Variants in SPOCK3 observed in about 807,000 individuals in gnomAD.
SPOCK3 encodes the protein testican-3.
SPOCK3 carries 30 observed loss-of-function variants against 56.6 expected under a neutral mutation model. The ratio of observed to expected loss-of-function variants is 0.53; its 90% CI spans 0.40 to 0.72. The LOEUF (loss-of-function observed/expected upper bound fraction) is 0.72, where lower values mean the gene tolerates loss of function less well. Among genes scored for constraint, SPOCK3 ranks in the 30% least tolerant of loss-of-function variants. The pLI is 0.00. For synonymous variants in SPOCK3, 196 were observed against 183.3 expected (o/e 1.07, Z -0.56); for missense variants, 527 against 530.0 (o/e 0.99, Z 0.06).
Position 167,170,513 on chromosome 4 carries a change from C to T in SPOCK3, c.189+63472G>A, listed in dbSNP as rs374865901. 6.1e-4 allele frequency among the ~76,000 whole-genome samples: 93 copies of T among 152,222 alleles called. 3 individuals carry two copies. In the South Asian group the frequency reaches 8.1e-3, roughly 13 times the overall value. On this transcript the variant is annotated intron_variant, in intron 2 of 10. Transcript: ENST00000357545. ...GAAAGGCACTAATCTAGATACTTTACTTGTATTAACTCATTAAATCCCCAT... is the reference window on the plus strand; with the variant it reads ...GAAAGGCACTAATCTAGATACTTTATTTGTATTAACTCATTAAATCCCCAT...
chr4:167,134,433 T>C (rs912318354), intron 2 of SPOCK3, among the ~76,000 whole-genome samples: 10 of 152,150 alleles, frequency 6.6e-5, no homozygotes, highest in African/African-American at 2.4e-4. Context: ...CAAGGAGTAC[T>C]GATATTAATA....
chr4:166,935,873 C>A (rs1185943267), intron 4 of SPOCK3, among the ~76,000 whole-genome samples: 2 of 151,950 alleles, frequency 1.3e-5, no homozygotes, highest in East Asian at 1.9e-4. Flanking sequence ...ATAGAGATAA[C>A]AACATTTGCC....
In SPOCK3 at chr4:166,892,015, C is replaced by T. The variant is rs145839203; in HGVS notation, c.475-2771G>A. Among the ~76,000 whole-genome samples the T allele has an allele frequency of 2.4e-3, 367 of 152,044 alleles. 2 individuals carry two copies. Among genetic ancestry groups the T allele is most frequent in the African/African-American group, 8.1e-3 (338 of 41,518 alleles). On this transcript the variant is annotated intron_variant, in intron 5 of 10. Coordinates refer to ENST00000357545, the MANE Select transcript of SPOCK3 (RefSeq NM_001040159.2). ...AAACAACATAAAAGCCTGGCTAATA[C>T]TTGAATGAACAACAAACATACAACA...
intron 6 of SPOCK3, among the ~76,000 whole-genome samples, chr4:166,843,884 A>T (rs1747776903): frequency 2.6e-5 from 4 of 152,060 alleles, no homozygotes; most frequent in Admixed American, 2.6e-4. Context: ...GGGGCTTGAA[A>T]CTCTGAGATC....
intron 4 of SPOCK3, among the ~76,000 whole-genome samples, chr4:166,990,400 A>T (rs1356976223): frequency 2.0e-4 from 4 of 20,472 alleles, no homozygotes; most frequent in East Asian, 0.014. Flanking sequence ...TAAAAAAATT[A>T]AAAAAAAATG....
At chr4:166,935,467 GTTT>G (rs1421472947) in intron 4 of SPOCK3, among the ~76,000 whole-genome samples, 1 of 152,098 alleles carries the variant, frequency 6.6e-6, no homozygotes, top group Non-Finnish European at 1.5e-5. Flanking sequence ...TAAAGTTCTA[GTTT>G]AACAAAGCCA....
At chr4:166,998,892 A>T (rs761121662) in intron 4 of SPOCK3, among the ~76,000 whole-genome samples, 2 of 152,142 alleles carry the variant, frequency 1.3e-5, no homozygotes, top group South Asian at 4.1e-4. Context: ...ACACATTCAC[A>T]TACTAATGTT....
chr4:167,056,252 T>A (rs1365333782), intron 3 of SPOCK3, among the ~76,000 whole-genome samples: 1 of 152,166 alleles, frequency 6.6e-6, no homozygotes, highest in South Asian at 2.1e-4. Flanking sequence ...TCCTGCCTGT[T>A]AGAAGGAAAA....
Position 167,205,160 on chromosome 4 carries a change from A to ATC in SPOCK3, c.189+28824_189+28825insGA, listed in dbSNP as rs759629190. Among the ~76,000 whole-genome samples the ATC allele has an allele frequency of 5.6e-3, 617 of 109,914 alleles. 2 individuals are homozygous for ATC. The highest frequency in any genetic ancestry group is 0.016 in the Middle Eastern group (4 of 252). The allele number at this position is 109,914 out of a possible 152,430, so 72.1% of individuals were successfully genotyped here. A position where few individuals can be genotyped will look rare whatever the true frequency, so the allele number is the denominator to read the frequency against. On this transcript the variant is annotated intron_variant, in intron 2 of 10. Coordinates refer to ENST00000357545, the MANE Select transcript of SPOCK3 (RefSeq NM_001040159.2). ...ATACATATATATATATTTTATATAT[A>ATC]TATAATATATATTATATATTATAGA...
At chr4:166,806,160 C>T (rs1368005429) in intron 6 of SPOCK3, among the ~76,000 whole-genome samples, 3 of 152,086 alleles carry the variant, frequency 2.0e-5, no homozygotes, top group African/African-American at 7.2e-5. Flanking sequence ...TGTATATAAA[C>T]AATATACAAA....
chr4:167,021,689 C>A (rs1338324431), intron 3 of SPOCK3, among the ~76,000 whole-genome samples: 1 of 151,924 alleles, frequency 6.6e-6, no homozygotes, highest in Non-Finnish European at 1.5e-5. Context: ...GTAGGTTGCA[C>A]AGGAGCCAGA....
At chr4:167,133,211 T>A (rs979453455) in intron 2 of SPOCK3, among the ~76,000 whole-genome samples, 5 of 151,986 alleles carry the variant, frequency 3.3e-5, no homozygotes, top group African/African-American at 1.2e-4. Context: ...ATCAGGAGGA[T>A]CATTTTAGGA....
chr4:167,042,167 A>G (rs1268573865), intron 3 of SPOCK3, among the ~76,000 whole-genome samples: 1 of 152,122 alleles, frequency 6.6e-6, no homozygotes, highest in Non-Finnish European at 1.5e-5. Flanking sequence ...CAGGATCTCC[A>G]GAAGACACAA....
chr4:166,767,428 G>A (rs568744703), intron 7 of SPOCK3, among the ~76,000 whole-genome samples: 108 of 152,110 alleles, frequency 7.1e-4, no homozygotes, highest in Middle Eastern at 3.4e-3. Flanking sequence ...CTTTATTTCT[G>A]CCTTCATTTC....
At chr4:166,990,434 A>G (rs901791354) in intron 4 of SPOCK3, among the ~76,000 whole-genome samples, 3 of 152,128 alleles carry the variant, frequency 2.0e-5, no homozygotes, top group Non-Finnish European at 4.4e-5. Flanking sequence ...TTTTTTAAAA[A>G]TCTAAAGAAA....
intron 6 of SPOCK3, among the ~76,000 whole-genome samples, chr4:166,880,378 G>A (rs936198372): frequency 3.9e-5 from 6 of 151,974 alleles, no homozygotes; most frequent in African/African-American, 1.5e-4. Flanking sequence ...TTCCTTTTCT[G>A]ACCCATGCAT....
intron 6 of SPOCK3, among the ~76,000 whole-genome samples, chr4:166,868,434 C>T (rs1732097459): frequency 6.6e-6 from 1 of 151,942 alleles, no homozygotes; most frequent in African/African-American, 2.4e-5. Context: ...CCAGTGAACT[C>T]CACCCTGGGC....
intron 4 of SPOCK3, among the ~76,000 whole-genome samples, chr4:166,984,583 G>A (rs180775725): frequency 6.6e-6 from 1 of 152,054 alleles, no homozygotes; most frequent in Admixed American, 6.5e-5. Flanking sequence ...TGCTAACAGG[G>A]TTAGATTTCT....
intron 4 of SPOCK3, among the ~76,000 whole-genome samples, chr4:166,984,712 C>G (rs1352741645): frequency 2.6e-5 from 4 of 152,084 alleles, no homozygotes; most frequent in Non-Finnish European, 4.4e-5. Context: ...AAATAAAATC[C>G]TCTCTTCTAA....
Sources: allele counts gnomAD v4.1 joint callset (sites outside exome capture counted in the v4.1 genomes callset), GRCh38; gene constraint gnomAD v4.1.1; transcripts MANE v1.5; gene names NCBI Gene and HGNC (gene_info 2026-07-23, HGNC 2026-07-21).